PCDHGA7: variants seen among roughly 807,000 people sequenced by gnomAD.
PCDHGA7 encodes the protein protocadherin gamma-A7.
PCDHGA7 carries 44 observed loss-of-function variants against 58.3 expected under a neutral mutation model. The ratio of observed to expected loss-of-function variants is 0.75; its 90% CI spans 0.59 to 0.97. The LOEUF (loss-of-function observed/expected upper bound fraction) is 0.97, where lower values mean the gene tolerates loss of function less well. Ranked by LOEUF, PCDHGA7 falls within the 50% of genes least tolerant of loss-of-function variation. PCDHGA7 has a pLI of 0.00. For synonymous variants in PCDHGA7, 516 were observed against 504.2 expected, an observed-to-expected ratio of 1.02 and a Z score of -0.31; for missense variants, 1,266 against 1,188.7, an observed-to-expected ratio of 1.06 and a Z score of -0.96.
At chr5:141,414,531 C>A in intron 1 of PCDHGA7, 1 of 1,613,960 alleles carries the variant, frequency 6.2e-7, no homozygotes, top group Non-Finnish European at 8.5e-7. Context: ...TCAATGACAA[C>A]CCACCTACCT....
intron 1 of PCDHGA7, among the ~76,000 whole-genome samples, chr5:141,450,304 T>C (rs759506660): frequency 1.3e-5 from 2 of 151,906 alleles, no homozygotes; most frequent in African/African-American, 2.4e-5. Flanking sequence ...TGAGCCACCA[T>C]GTGTGGCCTA....
rs756281053 is a variant in PCDHGA7 at position 141,384,450 on chromosome 5, G to T, written c.1551G>T (p.Leu517=). ...INSDTGVLYA[L]QSFDYEQLRE... ...CTGACACTGGAGTCCTGTACGCGCT[G>T]CAATCCTTTGATTATGAGCAGTTGA... Residue 517 remains leucine (L), a synonymous_variant, in exon 1 of 4, where the codon CTG becomes CTT. Transcript: ENST00000518325. 6.2e-7 allele frequency: 1 copy of T among 1,614,042 alleles called. No individual in the cohort carries two copies. The highest frequency in any genetic ancestry group is 1.1e-5 in the South Asian group (1 of 91,090).
At chr5:141,494,889 A>G (rs2099757275) in intron 2 of PCDHGA7, 24 bp downstream of exon 2, 1 of 1,613,844 alleles carries the variant, frequency 6.2e-7, no homozygotes, top group Admixed American at 1.7e-5. Context: ...TCTCCAGCCC[A>G]CCCTCTTCTC....
chr5:141,418,666 G>C, intron 1 of PCDHGA7: 1 of 1,614,038 alleles, frequency 6.2e-7, no homozygotes, highest in Non-Finnish European at 8.5e-7. Context: ...CCACTGACCA[G>C]GACGAGGGCA....
intron 1 of PCDHGA7, among the ~76,000 whole-genome samples, chr5:141,483,124 G>A (rs1468216170): frequency 6.6e-6 from 1 of 152,154 alleles, no homozygotes; most frequent in East Asian, 1.9e-4. Flanking sequence ...GTCTTTGTAG[G>A]AGATGAGGTG....
At chr5:141,458,803 G>A (rs2098953701) in intron 1 of PCDHGA7, among the ~76,000 whole-genome samples, 2 of 152,130 alleles carry the variant, frequency 1.3e-5, no homozygotes, top group African/African-American at 4.8e-5. Flanking sequence ...TGTGATCTCA[G>A]CTCACTGCAA....
Position 141,385,343 on chromosome 5 carries a change from T to C in PCDHGA7, c.2424+20T>C. 1.3e-6 allele frequency: 2 copies of C among 1,568,526 alleles called. No individual in the cohort carries two copies. Among genetic ancestry groups the C allele is most frequent in the Non-Finnish European group, 1.7e-6 (2 of 1,158,962 alleles). ...ATTCAGGTGAGCCCAGCCCTTCCTT[T>C]ATTTCCATGAGGAATTTATTTGCAT... is the stretch of plus-strand genomic sequence containing the variant. On this transcript the variant is annotated intron_variant, in intron 1 of 3. Coordinates refer to ENST00000518325, the MANE Select transcript of PCDHGA7 (RefSeq NM_018920.4).
At chr5:141,438,595 T>C (rs11949887) in intron 1 of PCDHGA7, among the ~76,000 whole-genome samples, 1,254 of 57,838 alleles carry the variant, frequency 0.022, 9 homozygotes, top group Non-Finnish European at 0.023. Flanking sequence ...TACATACATA[T>C]ATATATATAT....
intron 1 of PCDHGA7, chr5:141,385,543 C>G (rs1284826303): frequency 7.6e-7 from 1 of 1,322,422 alleles, no homozygotes; most frequent in Non-Finnish European, 9.7e-7. Context: ...AATATGTGGA[C>G]TATCACATTT....
chr5:141,500,520 T>TA (rs2099801149), intron 2 of PCDHGA7, among the ~76,000 whole-genome samples: 2 of 152,312 alleles, frequency 1.3e-5, no homozygotes, highest in Admixed American at 1.3e-4. Flanking sequence ...AGCTTCATTT[T>TA]AAAAAAATCT....
At position 141,485,811 on chromosome 5, in the gene PCDHGA7, C is replaced by T; in HGVS notation, c.2425-8996C>T. 6.2e-7 allele frequency: 1 copy of T among 1,614,220 alleles called. No homozygotes were observed. The highest frequency in any genetic ancestry group is 8.5e-7 in the Non-Finnish European group (1 of 1,180,028). ...CAATCGGACTACCGCCTGGTGCTGA[C>T]TGCTGTCGATGGAGGGAACCCGCCG... On this transcript the variant is annotated intron_variant, in intron 1 of 3. Transcript: ENST00000518325. This position sits in a 1 kb window ranked among gnomAD's most constrained non-coding sequence, Gnocchi z 5.7.
Position 141,485,220 on chromosome 5 carries a change from C to T in PCDHGA7, c.2425-9587C>T. The T allele has an allele frequency of 6.2e-7, 1 of 1,614,192 alleles. No homozygotes were observed. The highest frequency in any genetic ancestry group is 8.5e-7 in the Non-Finnish European group (1 of 1,180,024). On this transcript the variant is annotated intron_variant, in intron 1 of 3. Transcript: ENST00000518325. This position sits in a 1 kb window ranked among gnomAD's most constrained non-coding sequence, Gnocchi z 5.7. ...TGGACAGAAATCTGGCGGTGGGCTA[C>T]CCTTTTGTTCCTCTTTTACCACCTG... is the stretch of plus-strand genomic sequence containing the variant.
chr5:141,405,593 C>T (rs1262163993), intron 1 of PCDHGA7: 1 of 579,000 alleles, frequency 1.7e-6, no homozygotes, highest in African/African-American at 1.9e-5. Context: ...TACAGGCCTC[C>T]CAAGTAGAAT....
intron 1 of PCDHGA7, chr5:141,420,099 C>G: frequency 2.5e-6 from 4 of 1,613,996 alleles, no homozygotes; most frequent in Non-Finnish European, 3.4e-6. Context: ...AGTGAGGGAA[C>G]GTTGCCCTAT....
rs745989563 is a variant in PCDHGA7, at chr5:141,490,728, T to G, written c.2425-4079T>G. The G allele has an allele frequency of 6.2e-7, 1 of 1,614,148 alleles. No individual in the cohort carries two copies. Among genetic ancestry groups the G allele is most frequent in the East Asian group, 2.2e-5 (1 of 44,882 alleles). ...GCCTCACCTACTCCATTGTAGGAAA[T>G]CAGGTTCAGGGAGCCCCAGCCTCCT... On this transcript the variant is annotated intron_variant, in intron 1 of 3. Transcript: ENST00000518325. The surrounding 1 kb of genome is among the most constrained non-coding windows in gnomAD (Gnocchi z 5.4).
At chr5:141,437,249 T>G (rs2097870737) in intron 1 of PCDHGA7, among the ~76,000 whole-genome samples, 1 of 152,240 alleles carries the variant, frequency 6.6e-6, no homozygotes, top group African/African-American at 2.4e-5. Context: ...GGACTTTCCT[T>G]GTCTTTTTAT....
intron 1 of PCDHGA7, among the ~76,000 whole-genome samples, chr5:141,474,089 CAAACAACAACAA>C (rs985204397): frequency 3.3e-5 from 5 of 152,116 alleles, no homozygotes; most frequent in Admixed American, 2.0e-4. Flanking sequence ...AACCAAAAAA[CAAACAACAACAA>C]AAACAACAAC....
intron 1 of PCDHGA7, among the ~76,000 whole-genome samples, chr5:141,425,696 A>G (rs1033976807): frequency 1.3e-4 from 20 of 152,242 alleles, no homozygotes; most frequent in African/African-American, 4.3e-4. Context: ...ATCATTTCAT[A>G]GTGGTCAAAA....
Position 141,431,628 on chromosome 5 carries a change from A to T in PCDHGA7, c.2424+46305A>T, listed in dbSNP as rs1204083567. The T allele has an allele frequency of 6.2e-7, 1 of 1,614,138 alleles. No individual in the cohort carries two copies. Among genetic ancestry groups the T allele is most frequent in the Non-Finnish European group, 8.5e-7 (1 of 1,180,058 alleles). ...CGGTATGTGGACGACAAGGCGGCCC[A>T]AGTTTTCAAACTAGATTGTAATTCA... On this transcript the variant is annotated intron_variant, in intron 1 of 3. Coordinates refer to ENST00000518325, the MANE Select transcript of PCDHGA7 (RefSeq NM_018920.4). The surrounding 1 kb of genome is among the most constrained non-coding windows in gnomAD (Gnocchi z 4.8).
Sources: allele counts gnomAD v4.1 joint callset (sites outside exome capture counted in the v4.1 genomes callset), GRCh38; gene constraint gnomAD v4.1.1; non-coding constraint Gnocchi (gnomAD v3.1); transcripts MANE v1.5; gene names NCBI Gene and HGNC (gene_info 2026-07-23, HGNC 2026-07-21).